The following IL4R variants were observed in gnomAD, a reference collection of about 807,000 sequenced individuals.
IL4R encodes interleukin 4 receptor, also known as interleukin-4 receptor subunit alpha.
IL4R carries 17 observed loss-of-function variants against 41.5 expected under a neutral mutation model. That is an observed-to-expected ratio of 0.41 (90% CI 0.28 to 0.61). IL4R has a LOEUF of 0.61. Among genes scored for constraint, IL4R ranks in the 20% least tolerant of loss-of-function variants. IL4R has a pLI of 0.31. For missense variants in IL4R, 974 were observed against 1,043.1 expected, an observed-to-expected ratio of 0.93 and a Z score of 0.91; for synonymous variants, 402 against 422.9, an observed-to-expected ratio of 0.95 and a Z score of 0.61.
chr16:27,355,714 C>A, intron 7 of IL4R, 94 bp from the exon 8 acceptor site: 1 of 811,382 alleles, frequency 1.2e-6, no homozygotes, highest in South Asian at 1.5e-5. Flanking sequence ...GGGTCTCGGA[C>A]GAGGGTCCTG....
chr16:27,348,560 A>C (rs1376477356), intron 6 of IL4R, among the ~76,000 whole-genome samples: 3 of 152,208 alleles, frequency 2.0e-5, no homozygotes, highest in Admixed American at 6.5e-5. Flanking sequence ...AGTGGCAGAT[A>C]TGCCTACTAG....
At chr16:27,336,676 C>CAAA (rs67336687) in intron 2 of IL4R, among the ~76,000 whole-genome samples, 1,090 of 68,302 alleles carry the variant, frequency 0.016, 30 homozygotes, top group African/African-American at 0.05. Context: ...AACTCTGTCT[C>CAAA]AAAAAAAAAA....
intron 2 of IL4R, among the ~76,000 whole-genome samples, chr16:27,330,492 C>A (rs1364128414): frequency 6.6e-6 from 1 of 152,068 alleles, no homozygotes; most frequent in Admixed American, 6.6e-5. Flanking sequence ...AATACAGTAT[C>A]ACAGCTGGGA....
intron 1 of IL4R, among the ~76,000 whole-genome samples, chr16:27,314,643 AG>A: frequency 6.6e-6 from 1 of 152,230 alleles, no homozygotes; most frequent in African/African-American, 2.4e-5. Flanking sequence ...ACTTGCCCTA[AG>A]GTGCCGCCCA....
chr16:27,325,874 G>T (rs2084943806), intron 1 of IL4R, among the ~76,000 whole-genome samples: 1 of 152,078 alleles, frequency 6.6e-6, no homozygotes, highest in African/African-American at 2.4e-5. Context: ...CCTGCAGCTT[G>T]CCCAGCAGGC....
chr16:27,336,367 A>T (rs1022218605), intron 2 of IL4R, among the ~76,000 whole-genome samples: 7 of 152,112 alleles, frequency 4.6e-5, no homozygotes, highest in African/African-American at 1.7e-4. Flanking sequence ...TTAGGGGAAG[A>T]GAGGAAAAGC....
At position 27,362,934 on chromosome 16, in the gene IL4R, C is replaced by T. The variant is rs866216293; in HGVS notation, c.1582C>T (p.Pro528Ser). The change falls in exon 11 of 11, where the codon CCC becomes TCC. Residue 528 changes from proline to serine, a missense_variant. Transcript: ENST00000395762. The stretch of plus-strand genomic sequence containing the variant: ...GGCCAGACACCTGGAGGAAGTAGAA[C>T]CCGAGATGCCCTGTGTCCCCCAGCT... ...LLARHLEEVE[P>S]EMPCVPQLSE... The T allele has an allele frequency of 6.8e-6, 11 of 1,614,036 alleles. No homozygotes were observed. Among genetic ancestry groups the T allele is most frequent in the African/African-American group, 1.3e-5 (1 of 74,934 alleles).
chr16:27,326,034 A>G lies in IL4R; in HGVS notation c.-151-4032A>G, dbSNP rs1289665734. 2.6e-5 allele frequency among the ~76,000 whole-genome samples: 4 copies of G among 152,202 alleles called. No individual in the cohort carries two copies. In the South Asian group the frequency reaches 8.3e-4, roughly 32 times the overall value. ...GCAAATCCTGTGGGCTCTGTCTTCA[A>G]CACAGATCTAGAATTCAGCCCCTTC... On this transcript the variant is annotated intron_variant, in intron 1 of 10. Transcript: ENST00000395762.
At chr16:27,353,626 CTCCAT>C (rs1285839141) in intron 7 of IL4R, among the ~76,000 whole-genome samples, 3 of 152,040 alleles carry the variant, frequency 2.0e-5, no homozygotes, top group Non-Finnish European at 2.9e-5. Context: ...GGTCTCTTCC[CTCCAT>C]TCTTTTTTTA....
chr16:27,336,105 A>G (rs2085251621), intron 2 of IL4R, among the ~76,000 whole-genome samples: 1 of 152,178 alleles, frequency 6.6e-6, no homozygotes. Flanking sequence ...ACTCATCATA[A>G]GTTGAAAATA....
chr16:27,358,618 G>A (rs1441533174), intron 8 of IL4R, among the ~76,000 whole-genome samples: 1 of 152,314 alleles, frequency 6.6e-6, no homozygotes, highest in East Asian at 1.9e-4. Flanking sequence ...TGAGGACATA[G>A]GTGGCCTCCT....
intron 1 of IL4R, among the ~76,000 whole-genome samples, chr16:27,314,804 C>T (rs2084589176): frequency 6.6e-6 from 1 of 152,076 alleles, no homozygotes; most frequent in Admixed American, 6.5e-5. Flanking sequence ...CAGGTCCTTG[C>T]CCTGAGATTC....
chr16:27,340,364 C>G (rs1381987343), intron 3 of IL4R, 91 bp downstream of exon 3: 5 of 916,544 alleles, frequency 5.5e-6, no homozygotes, highest in Non-Finnish European at 7.1e-6. Context: ...GGAGATTACA[C>G]TGCAGTGGGA....
At chr16:27,317,605 G>A (rs985222342) in intron 1 of IL4R, among the ~76,000 whole-genome samples, 4 of 152,150 alleles carry the variant, frequency 2.6e-5, no homozygotes, top group Non-Finnish European at 4.4e-5. Flanking sequence ...CTGTCAGACC[G>A]GGTGCATCAC....
Position 27,340,254 on chromosome 16 carries a change from G to A in IL4R, c.51G>A (p.Leu17=). 6.2e-7 allele frequency: 1 copy of A among 1,613,932 alleles called. No homozygotes were observed. The highest frequency in any genetic ancestry group is 1.1e-5 in the South Asian group (1 of 91,032). The change falls in exon 3 of 11, where the codon CTG becomes CTA. Residue 17 remains leucine (L), a synonymous_variant. Coordinates refer to ENST00000395762, the MANE Select transcript of IL4R (RefSeq NM_000418.4). ...TGTTCCCTGTGAGCTGCCTGGTCCTGCTGCAGGTGGCAAGCTCTGGTAAGT... is the reference window on the plus strand; with the variant it reads ...TGTTCCCTGTGAGCTGCCTGGTCCTACTGCAGGTGGCAAGCTCTGGTAAGT... ...GLLFPVSCLV[L]LQVASSGNMK...
At chr16:27,343,698 G>T (rs943740848) in intron 4 of IL4R, among the ~76,000 whole-genome samples, 3 of 152,156 alleles carry the variant, frequency 2.0e-5, no homozygotes, top group Non-Finnish European at 4.4e-5. Flanking sequence ...AAAGTGCTGG[G>T]ATTACAGGCA....
chr16:27,315,878 C>T (rs976799711), intron 1 of IL4R, among the ~76,000 whole-genome samples: 1 of 152,166 alleles, frequency 6.6e-6, no homozygotes, highest in African/African-American at 2.4e-5. Context: ...GGAAAACCTG[C>T]AGTCACTCAC....
At position 27,362,822 on chromosome 16, in the gene IL4R, C is replaced by T. The variant is rs2086348675; in HGVS notation, c.1470C>T (p.Val490=). Residue 490 remains valine (V), a synonymous_variant, in exon 11 of 11, where the codon GTC becomes GTT. Transcript: ENST00000395762. ...TGACTTGCACAGAGACGCCCCTCGT[C>T]ATCGCAGGCAACCCTGCTTACCGCA... ...DNLTCTETPL[V]IAGNPAYRSF... 4 of 1,614,194 alleles carry T rather than the reference C, an allele frequency of 2.5e-6. No individual in the cohort carries two copies. In the African/African-American group the frequency reaches 5.3e-5, roughly 22 times the overall value.
At chr16:27,313,773 C>T (rs879703995), upstream of IL4R, 2 of 331,370 alleles carry the variant, frequency 6.0e-6, no homozygotes, top group Non-Finnish European at 8.6e-6. Flanking sequence ...GACGGCGGCT[C>T]GGACTGTCCG....
Sources: gnomAD v4.1 joint callset for allele counts (sites outside exome capture counted in the v4.1 genomes callset) on GRCh38, gnomAD v4.1.1 for gene constraint, MANE v1.5 for transcripts, NCBI Gene and HGNC (gene_info 2026-07-23, HGNC 2026-07-21) for gene names.